The following LPP variants were observed in gnomAD, a reference collection of about 807,000 sequenced individuals.
The protein encoded by LPP is lipoma-preferred partner.
LPP carries 38 observed loss-of-function variants against 60.4 expected under a neutral mutation model. The observed-to-expected ratio is 0.63, with a 90% confidence interval of 0.49 to 0.83. The LOEUF is 0.83. LPP is among the 40% of genes least tolerant of loss of function. The probability of loss-of-function intolerance (pLI) is 0.00; values close to 1 mark genes in which losing one functional copy is unlikely to be tolerated. For synonymous variants in LPP, 328 were observed against 290.8 expected (o/e 1.13, Z -1.30); for missense variants, 902 against 783.6 (o/e 1.15, Z -1.80).
intron 7 of LPP, among the ~76,000 whole-genome samples, chr3:188,613,816 T>G (rs776301504): frequency 6.6e-6 from 1 of 152,080 alleles, no homozygotes; most frequent in Non-Finnish European, 1.5e-5. Flanking sequence ...CTTTAAGATC[T>G]GTAATTTCTG....
chr3:188,582,159 T>TC (rs1407710773), intron 6 of LPP, among the ~76,000 whole-genome samples: 5 of 77,914 alleles, frequency 6.4e-5, no homozygotes, highest in South Asian at 4.6e-4. Flanking sequence ...TTTTTCTTTT[T>TC]TTTTTTTTTT....
chr3:188,616,103 A>G (rs1223385197), intron 7 of LPP, among the ~76,000 whole-genome samples: 2 of 152,040 alleles, frequency 1.3e-5, no homozygotes, highest in Admixed American at 6.6e-5. Context: ...CCATTTGTCA[A>G]TTTTGGCTTT....
intron 2 of LPP, among the ~76,000 whole-genome samples, chr3:188,264,299 G>C (rs1057306197): frequency 1.3e-5 from 2 of 151,748 alleles, no homozygotes; most frequent in African/African-American, 4.8e-5. Flanking sequence ...GAGGGAGAGA[G>C]AAAGAGAGAG....
At chr3:188,629,296 T>C (rs1049350715) in intron 7 of LPP, among the ~76,000 whole-genome samples, 5 of 152,146 alleles carry the variant, frequency 3.3e-5, no homozygotes, top group Non-Finnish European at 7.4e-5. Context: ...TGTTTGCAGA[T>C]GATGTCATTG....
intron 2 of LPP, among the ~76,000 whole-genome samples, chr3:188,325,138 G>A (rs532914512): frequency 1.0e-3 from 159 of 152,044 alleles, no homozygotes; most frequent in Non-Finnish European, 1.9e-3. Context: ...CAGCCATCAC[G>A]CTCGGCTAAT....
At chr3:188,237,551 C>A (rs1457112453) in intron 2 of LPP, among the ~76,000 whole-genome samples, 1 of 152,140 alleles carries the variant, frequency 6.6e-6, no homozygotes, top group East Asian at 1.9e-4. Flanking sequence ...GATCCATGGG[C>A]TGCAGAATGG....
At chr3:188,477,880 A>C (rs970579151) in intron 4 of LPP, among the ~76,000 whole-genome samples, 1 of 152,154 alleles carries the variant, frequency 6.6e-6, no homozygotes, top group Non-Finnish European at 1.5e-5. Context: ...AACGTTATAC[A>C]TGCTGTCCTA....
chr3:188,766,885 C>T (rs937748546), intron 9 of LPP, among the ~76,000 whole-genome samples: 6 of 152,046 alleles, frequency 3.9e-5, no homozygotes, highest in African/African-American at 7.2e-5. Flanking sequence ...CAAATGTAAC[C>T]ACACATCTGT....
At chr3:188,191,816 G>T (rs1182472604) in intron 1 of LPP, among the ~76,000 whole-genome samples, 9 of 152,184 alleles carry the variant, frequency 5.9e-5, no homozygotes, top group African/African-American at 2.2e-4. Flanking sequence ...TATCTGTTCT[G>T]TTCCCAAAAG....
chr3:188,378,181 C>A (rs2151167479), intron 3 of LPP, among the ~76,000 whole-genome samples: 1 of 152,324 alleles, frequency 6.6e-6, no homozygotes, highest in African/African-American at 2.4e-5. Flanking sequence ...GCAGTCTGCC[C>A]ATTCTCAGAT....
intron 3 of LPP, among the ~76,000 whole-genome samples, chr3:188,400,525 G>A (rs1781997287): frequency 6.6e-6 from 1 of 152,170 alleles, no homozygotes; most frequent in Non-Finnish European, 1.5e-5. Flanking sequence ...TAGGACCGCT[G>A]GGGGAACAGA....
intron 2 of LPP, among the ~76,000 whole-genome samples, chr3:188,285,790 T>C (rs6777007): frequency 0.49 from 73,782 of 151,988 alleles, 19,074 homozygotes; most frequent in Middle Eastern, 0.62. Flanking sequence ...AGTATCACTT[T>C]GGTTTGAGGA....
At chr3:188,872,940 A>G (rs921450638) in intron 11 of LPP, among the ~76,000 whole-genome samples, 177 bp downstream of exon 11, 1 of 152,164 alleles carries the variant, frequency 6.6e-6, no homozygotes, top group Non-Finnish European at 1.5e-5. Flanking sequence ...TGAATAAGTC[A>G]CTGTACCTCT....
At chr3:188,383,406 G>C (rs908854089) in intron 3 of LPP, among the ~76,000 whole-genome samples, 1 of 152,098 alleles carries the variant, frequency 6.6e-6, no homozygotes, top group Non-Finnish European at 1.5e-5. Flanking sequence ...TTTTGTTGTT[G>C]TTATTATCTT....
rs1353160174 is a variant in LPP at position 188,890,501 on chromosome 3, T to C, written c.*16022T>C. ...TTTTCTTTTGTGTTTATGCATTATCTGACTATATTAAAACCTGTTTTTCTA... is the reference window on the plus strand; with the variant it reads ...TTTTCTTTTGTGTTTATGCATTATCCGACTATATTAAAACCTGTTTTTCTA... On this transcript the variant is annotated 3_prime_UTR_variant, in exon 12 of 12. Transcript: ENST00000617246. The C allele has an allele frequency of 5.3e-6, 1 of 188,442 alleles. No homozygotes were observed. The highest frequency in any genetic ancestry group is 2.3e-5 in the African/African-American group (1 of 42,876). 11.7% of individuals were successfully genotyped at this position (188,442 alleles called of 1,614,324 possible).
At chr3:188,851,201 A>G (rs1302745552) in intron 9 of LPP, among the ~76,000 whole-genome samples, 1 of 152,208 alleles carries the variant, frequency 6.6e-6, no homozygotes, top group Admixed American at 6.5e-5. Flanking sequence ...ATTGGGGAAA[A>G]TAGCCCCAAA....
chr3:188,407,447 G>A (rs1406504506), intron 4 of LPP, among the ~76,000 whole-genome samples: 2 of 152,172 alleles, frequency 1.3e-5, no homozygotes, highest in Non-Finnish European at 2.9e-5. Flanking sequence ...AGAGGATCAG[G>A]CTTCAGCATG....
At chr3:188,735,623 A>T (rs1160436432) in intron 8 of LPP, among the ~76,000 whole-genome samples, 1 of 152,090 alleles carries the variant, frequency 6.6e-6, no homozygotes, top group East Asian at 1.9e-4. Context: ...ACCTCAGGTG[A>T]TCCACCCACC....
At chr3:188,328,003 G>A (rs890377738) in intron 2 of LPP, among the ~76,000 whole-genome samples, 8 of 152,128 alleles carry the variant, frequency 5.3e-5, no homozygotes, top group East Asian at 1.9e-4. Context: ...GCTGGATTCT[G>A]CATTTAATTT....
Sources: allele counts gnomAD v4.1 joint callset (sites outside exome capture counted in the v4.1 genomes callset), GRCh38; gene constraint gnomAD v4.1.1; transcripts MANE v1.5; gene names NCBI Gene and HGNC (gene_info 2026-07-23, HGNC 2026-07-21).